The following TOPBP1 variants were observed in gnomAD, a reference collection of about 807,000 sequenced individuals.
The protein encoded by TOPBP1 is DNA topoisomerase II binding protein 1.
In TOPBP1, 28 loss-of-function variants were observed where a neutral mutation model predicts 167.7. The ratio of observed to expected loss-of-function variants is 0.17; its 90% confidence interval spans 0.12 to 0.23. TOPBP1 has a LOEUF of 0.23. TOPBP1 is among the 10% of genes least tolerant of loss of function. The pLI is 1.00. For synonymous variants in TOPBP1, 598 were observed against 611.4 expected, an observed-to-expected ratio of 0.98 and a Z score of 0.32; for missense variants, 1,554 against 1,809.6, an observed-to-expected ratio of 0.86 and a Z score of 2.56.
Position 133,653,447 on chromosome 3 carries a change from C to T in TOPBP1, c.820G>A (p.Gly274Ser). The T allele has an allele frequency of 4.3e-6, 7 of 1,612,984 alleles. No homozygotes were observed. The highest frequency in any genetic ancestry group is 5.9e-6 in the Non-Finnish European group (7 of 1,179,574). The change falls in exon 7 of 28, where the codon GGT (glycine) becomes AGT (serine). Residue 274 changes from glycine (G) to serine (S), a missense_variant. By Grantham distance (56) the Gly-to-Ser change is moderately conservative. Around this residue, in one of 3 missense-constraint regions of TOPBP1, gnomAD observed 1,197 missense variants for 1,351.5 expected, o/e 0.89. Transcript: ENST00000260810. ...TATATGGATTCATCCTGACAAAAAC[C>T]TTTCTCAATACTGTCAAAAAACCAC... ...TQWFFDSIEK[G>S]FCQDESIYKT... is the part of the protein sequence containing the mutation.
chr3:133,620,636 G>A (rs773494839), intron 19 of TOPBP1, among the ~76,000 whole-genome samples: 10 of 146,798 alleles, frequency 6.8e-5, no homozygotes, highest in Admixed American at 1.4e-4. Context: ...ACAGTGGTGC[G>A]ACCTCGGCTC....
intron 8 of TOPBP1, among the ~76,000 whole-genome samples, chr3:133,651,097 A>T (rs1032799825): frequency 5.3e-5 from 8 of 151,760 alleles, no homozygotes; most frequent in African/African-American, 1.9e-4. Flanking sequence ...TCTCCGTCTC[A>T]AAACAAAAAC....
chr3:133,646,340 T>C (rs375686749), intron 10 of TOPBP1, among the ~76,000 whole-genome samples: 1 of 152,048 alleles, frequency 6.6e-6, no homozygotes, highest in African/African-American at 2.4e-5. Flanking sequence ...CCAAGTACCC[T>C]TGGCTGAAGG....
In TOPBP1 at chr3:133,638,147, G is replaced by A. The variant is rs1025254197; in HGVS notation, c.2249C>T (p.Thr750Ile). Residue 750 changes from threonine to isoleucine, a missense_variant, in exon 14 of 28, where the codon ACA becomes ATA. Thr to Ile is a moderately conservative substitution (Grantham distance 89). This residue lies in a region of TOPBP1 where 1,197 missense variants were observed against 1,351.5 expected (regional missense o/e 0.89). Transcript: ENST00000260810. ...TAGATTGATTCCATTTGTTATTTCT[G>A]TTTCCAAACTTCGTTCTAGAGATTT... ...NSTKEERSLE[T>I]EITNGINLNS... 2 of 1,612,850 alleles carry A rather than the reference G, an allele frequency of 1.2e-6. No individual in the cohort carries two copies. Among genetic ancestry groups the A allele is most frequent in the African/African-American group, 2.7e-5 (2 of 74,870 alleles).
chr3:133,647,449 T>C (rs1576309584), intron 10 of TOPBP1, among the ~76,000 whole-genome samples: 1 of 152,094 alleles, frequency 6.6e-6, no homozygotes, highest in East Asian at 1.9e-4. Context: ...ACAATAAAAA[T>C]CACAAAACAC....
At chr3:133,616,160 C>T (rs1173455571) in intron 23 of TOPBP1, among the ~76,000 whole-genome samples, 1 of 149,472 alleles carries the variant, frequency 6.7e-6, no homozygotes, top group Non-Finnish European at 1.5e-5. Flanking sequence ...TGCTTTGTCA[C>T]CCAGCCTGGA....
chr3:133,630,551 GCCTCCCAAAGT>G (rs1329414637), intron 14 of TOPBP1, among the ~76,000 whole-genome samples: 1 of 151,932 alleles, frequency 6.6e-6, no homozygotes, highest in Admixed American at 6.6e-5. Context: ...TCTCGCCTTG[GCCTCCCAAAGT>G]GCTGGGATTA....
At chr3:133,637,423 G>A (rs1935714171) in intron 14 of TOPBP1, among the ~76,000 whole-genome samples, 1 of 152,130 alleles carries the variant, frequency 6.6e-6, no homozygotes, top group Admixed American at 6.6e-5. Context: ...ATTCAAGTAA[G>A]GTGATATACA....
intron 21 of TOPBP1, among the ~76,000 whole-genome samples, chr3:133,617,965 C>T (rs1934955303): frequency 6.6e-6 from 1 of 152,094 alleles, no homozygotes; most frequent in African/African-American, 2.4e-5. Context: ...ATGGTAGACA[C>T]CATGTCTAGA....
At position 133,611,135 on chromosome 3, in the gene TOPBP1, C is replaced by G; in HGVS notation, c.4042G>C (p.Asp1348His). 6.2e-7 allele frequency: 1 copy of G among 1,609,926 alleles called. No homozygotes were observed. Among genetic ancestry groups the G allele is most frequent in the Non-Finnish European group, 8.5e-7 (1 of 1,177,636 alleles). Reference protein sequence around the residue: ...RTAGHFVQEEDYEWGSSSILD... With the variant: ...RTAGHFVQEEHYEWGSSSILD... ...ATGGAACTACTTCCCCATTCATAGT[C>G]TTCTTCCTAGAGAATTTGTCCAACA... The change falls in exon 25 of 28, where the codon GAC becomes CAC. Residue 1348 changes from aspartate to histidine, a missense_variant. Asp to His is a moderately conservative substitution (Grantham distance 81). This residue lies in a region of TOPBP1 where 351 missense variants were observed against 432.9 expected (regional missense o/e 0.81). Coordinates refer to ENST00000260810, the MANE Select transcript of TOPBP1 (RefSeq NM_007027.4).
chr3:133,644,372 G>C lies in TOPBP1; in HGVS notation c.1505-9C>G, dbSNP rs749317842. 3.2e-6 allele frequency: 5 copies of C among 1,544,050 alleles called. No individual in the cohort carries two copies. The East Asian group carries it at 1.1e-4, about 35-fold the overall frequency. The stretch of plus-strand genomic sequence containing the variant: ...AGACGTCTTAGCCTCAACTGAAAGA[G>C]AAAAGTAAATGTTTTCTAACCAACA... On this transcript the variant is annotated splice_polypyrimidine_tract_variant and intron_variant, in intron 10 of 27. Transcript: ENST00000260810.
chr3:133,624,352 T>TA (rs1935198601), intron 16 of TOPBP1, among the ~76,000 whole-genome samples, 177 bp from the exon 17 acceptor site: 3 of 152,304 alleles, frequency 2.0e-5, no homozygotes, highest in African/African-American at 7.2e-5. Flanking sequence ...TAGTCCCAGC[T>TA]ACCCAGGAGG....
intron 10 of TOPBP1, 88 bp downstream of exon 10, chr3:133,649,295 T>C (rs1936196702): frequency 6.8e-7 from 1 of 1,463,030 alleles, no homozygotes; most frequent in African/African-American, 1.4e-5. Flanking sequence ...ACTTAAAATC[T>C]AGAAAACTTG....
chr3:133,641,395 T>A (rs1576305168), intron 12 of TOPBP1, among the ~76,000 whole-genome samples: 1 of 152,326 alleles, frequency 6.6e-6, no homozygotes, highest in East Asian at 1.9e-4. Flanking sequence ...AGACAGGGTC[T>A]TGCTCTGTCC....
Position 133,637,872 on chromosome 3 carries a change from T to G in TOPBP1, c.2520+4A>C, listed in dbSNP as rs1935730554. 6.2e-7 allele frequency: 1 copy of G among 1,613,408 alleles called. No homozygotes were observed. Among genetic ancestry groups the G allele is most frequent in the East Asian group, 2.2e-5 (1 of 44,872 alleles). On this transcript the variant is annotated splice_donor_region_variant and intron_variant, in intron 14 of 27. Coordinates refer to ENST00000260810, the MANE Select transcript of TOPBP1 (RefSeq NM_007027.4). ...ACTCTGGGACCACTGCCTATAAACC[T>G]TACCTTCACATCAAAGGAAGGCTTG...
chr3:133,606,216 TTA>T (rs1934488227), intron 27 of TOPBP1, among the ~76,000 whole-genome samples: 1 of 152,032 alleles, frequency 6.6e-6, no homozygotes, highest in South Asian at 2.1e-4. Context: ...TATACAAAAT[TTA>T]TATTCTTTTG....
At position 133,618,422 on chromosome 3, in the gene TOPBP1, T is replaced by C; in HGVS notation, c.3383A>G (p.Gln1128Arg). The C allele has an allele frequency of 6.2e-7, 1 of 1,613,558 alleles. No individual in the cohort carries two copies. Among genetic ancestry groups the C allele is most frequent in the Non-Finnish European group, 8.5e-7 (1 of 1,179,540 alleles). Residue 1128 changes from glutamine to arginine, a missense_variant, in exon 21 of 28, where the codon CAG (glutamine) becomes CGG (arginine). Physicochemically the swap from Gln to Arg is conservative, Grantham distance 43. Coordinates refer to ENST00000260810, the MANE Select transcript of TOPBP1 (RefSeq NM_007027.4). ...RVLEALRQSR[Q>R]TVPDVNTEPS... ...CTCTGTGTTGACATCAGGTACTGTC[T>C]GACGAGACTGCCTAAGGAATAGAAG...
chr3:133,600,987 A>C lies in TOPBP1; in HGVS notation c.*263T>G, dbSNP rs978197462. The C allele has an allele frequency of 3.5e-5, 8 of 228,640 alleles. No individual in the cohort carries two copies. Among genetic ancestry groups the C allele is most frequent in the African/African-American group, 1.8e-4 (8 of 43,540 alleles). 14.2% of individuals were successfully genotyped at this position (228,640 alleles called of 1,614,324 possible). On this transcript the variant is annotated 3_prime_UTR_variant, in exon 28 of 28. Transcript: ENST00000260810. ...TTACAAGAAAAATAAATATCTTTTA[A>C]CAGACTTCAATGTGGTTTAACAGCA...
intron 23 of TOPBP1, among the ~76,000 whole-genome samples, chr3:133,613,856 C>T (rs892649724): frequency 9.4e-5 from 14 of 149,118 alleles, no homozygotes; most frequent in African/African-American, 1.2e-4. Context: ...TGCAGTGGCG[C>T]GATCTCGACT....
Sources: allele counts gnomAD v4.1 joint callset (sites outside exome capture counted in the v4.1 genomes callset), GRCh38; gene constraint gnomAD v4.1.1; regional missense constraint gnomAD v4.1.1; transcripts MANE v1.5; gene names NCBI Gene and HGNC (gene_info 2026-07-23, HGNC 2026-07-21).